The following GALNT17 variants were observed in gnomAD, a reference collection of about 807,000 sequenced individuals.
GALNT17 encodes polypeptide N-acetylgalactosaminyltransferase 17.
GALNT17 carries 29 observed loss-of-function variants against 63.7 expected under a neutral mutation model. That is an observed-to-expected ratio of 0.46 (90% CI 0.34 to 0.62). The LOEUF (loss-of-function observed/expected upper bound fraction) is 0.62. Ranked by LOEUF, GALNT17 falls within the 20% of genes least tolerant of loss-of-function variation. The pLI, the probability that GALNT17 is intolerant of heterozygous loss-of-function variation, is 0.01. For missense variants in GALNT17, 603 were observed against 799.6 expected, an observed-to-expected ratio of 0.75 and a Z score of 2.97; for synonymous variants, 305 against 318.3, an observed-to-expected ratio of 0.96 and a Z score of 0.45.
At chr7:71,539,538 G>T (rs770761396) in intron 5 of GALNT17, among the ~76,000 whole-genome samples, 8 of 151,958 alleles carry the variant, frequency 5.3e-5, no homozygotes, top group Non-Finnish European at 7.4e-5. Flanking sequence ...TATACATGGT[G>T]CCTTCGACAT....
intron 4 of GALNT17, among the ~76,000 whole-genome samples, chr7:71,417,419 G>C (rs1786555324): frequency 6.6e-6 from 1 of 152,150 alleles, no homozygotes; most frequent in African/African-American, 2.4e-5. Flanking sequence ...TCAAACCCTG[G>C]TGACACCCAG....
intron 1 of GALNT17, among the ~76,000 whole-genome samples, chr7:71,146,022 T>A (rs1788016888): frequency 2.0e-5 from 3 of 152,130 alleles, no homozygotes; most frequent in Admixed American, 1.3e-4. Context: ...GGTTTTTTTT[T>A]AAAGGAATAT....
At chr7:71,591,910 G>C (rs1327835939) in intron 6 of GALNT17, among the ~76,000 whole-genome samples, 1 of 152,198 alleles carries the variant, frequency 6.6e-6, no homozygotes, top group African/African-American at 2.4e-5. Context: ...TGATCCGCCT[G>C]CCTCGGCCTC....
chr7:71,155,332 G>A (rs947169370), intron 1 of GALNT17, among the ~76,000 whole-genome samples: 1 of 151,726 alleles, frequency 6.6e-6, no homozygotes, highest in Admixed American at 6.6e-5. Context: ...GGAGTGCAGT[G>A]GCATGATCTC....
intron 1 of GALNT17, among the ~76,000 whole-genome samples, chr7:71,155,200 A>T (rs183287379): frequency 6.6e-6 from 1 of 151,832 alleles, no homozygotes; most frequent in African/African-American, 2.4e-5. Flanking sequence ...TCTGAACCCT[A>T]GCACCACAGT....
chr7:71,560,003 A>G (rs4717603), intron 5 of GALNT17, among the ~76,000 whole-genome samples: 151,430 of 151,458 alleles, frequency 1, 75,701 homozygotes, highest in Non-Finnish European at 1. Flanking sequence ...AGACCAGCCT[A>G]GCCAAGATGG....
intron 3 of GALNT17, among the ~76,000 whole-genome samples, chr7:71,404,389 A>G (rs1196111873): frequency 1.3e-5 from 2 of 152,168 alleles, no homozygotes; most frequent in Non-Finnish European, 2.9e-5. Flanking sequence ...TCACTATGGA[A>G]TCGCCCTCAA....
chr7:71,337,870 A>G (rs1179514423), intron 2 of GALNT17, among the ~76,000 whole-genome samples: 1 of 150,252 alleles, frequency 6.7e-6, no homozygotes, highest in Admixed American at 6.6e-5. Flanking sequence ...TCCATCTCAG[A>G]ACAAACAAAC....
At chr7:71,491,863 A>C (rs1291480109) in intron 5 of GALNT17, among the ~76,000 whole-genome samples, 1 of 152,196 alleles carries the variant, frequency 6.6e-6, no homozygotes, top group African/African-American at 2.4e-5. Context: ...TCCTTCTGGA[A>C]GCGTGAACTT....
At chr7:71,213,491 C>T (rs73365911) in intron 1 of GALNT17, among the ~76,000 whole-genome samples, 2,687 of 152,248 alleles carry the variant, frequency 0.018, 74 homozygotes, top group African/African-American at 0.06. Context: ...TTGCAATTTT[C>T]GGTGTGCCTT....
intron 2 of GALNT17, among the ~76,000 whole-genome samples, chr7:71,364,138 C>A (rs551056979): frequency 6.6e-6 from 1 of 152,204 alleles, no homozygotes; most frequent in South Asian, 2.1e-4. Context: ...TATTTGTAGC[C>A]TTTTATCCCT....
chr7:71,692,159 C>T (rs1435694608), intron 9 of GALNT17, among the ~76,000 whole-genome samples: 3 of 152,036 alleles, frequency 2.0e-5, no homozygotes, highest in East Asian at 1.9e-4. Flanking sequence ...CCTGGCCTCC[C>T]GCAATCTTCC....
At position 71,132,895 on chromosome 7, in the gene GALNT17, C is replaced by G. The variant is rs776960588; in HGVS notation, c.93C>G (p.Ile31Met). The G allele has an allele frequency of 5.0e-6, 8 of 1,612,860 alleles. No individual in the cohort carries two copies. The highest frequency in any genetic ancestry group is 6.8e-6 in the Non-Finnish European group (8 of 1,179,580). ...TCTTCCTGGCCAAGTGCCGGCCCAT[C>G]GCGGTGCGCAGCGGAGACGCCTTCC... ...FVLFLAKCRP[I>M]AVRSGDAFHE... Residue 31 changes from isoleucine to methionine, a missense_variant, in exon 1 of 11, where the codon ATC (isoleucine) becomes ATG (methionine). Physicochemically the swap from Ile to Met is conservative, Grantham distance 10. Coordinates refer to ENST00000333538, the MANE Select transcript of GALNT17 (RefSeq NM_022479.3).
At chr7:71,452,938 G>A (rs933556694) in intron 5 of GALNT17, among the ~76,000 whole-genome samples, 2 of 152,104 alleles carry the variant, frequency 1.3e-5, no homozygotes, top group Non-Finnish European at 2.9e-5. Context: ...AACATGATTG[G>A]TGATTCTACC....
At chr7:71,550,369 T>G (rs1789054935) in intron 5 of GALNT17, among the ~76,000 whole-genome samples, 1 of 150,884 alleles carries the variant, frequency 6.6e-6, no homozygotes, top group East Asian at 2.0e-4. Context: ...TTGTTTTTTG[T>G]TTTTTTGTGT....
intron 1 of GALNT17, among the ~76,000 whole-genome samples, chr7:71,313,886 T>C (rs931663233): frequency 1.3e-5 from 2 of 151,972 alleles, no homozygotes; most frequent in African/African-American, 4.8e-5. Context: ...ATGTGAAGGG[T>C]TGAGTTGCTG....
intron 5 of GALNT17, among the ~76,000 whole-genome samples, chr7:71,564,254 CTTTCTTTTTTTTTCTTTTCT>C (rs1196087642): frequency 1.6e-5 from 2 of 125,438 alleles, no homozygotes; most frequent in African/African-American, 2.8e-5. Flanking sequence ...GGGCAATTTT[CTTTCTTTTTTTTTCTTTTCT>C]TTTCTTTTTT....
intron 3 of GALNT17, among the ~76,000 whole-genome samples, chr7:71,398,456 T>A (rs1793179762): frequency 6.6e-6 from 1 of 152,204 alleles, no homozygotes; most frequent in Non-Finnish European, 1.5e-5. Flanking sequence ...TTATAACATA[T>A]TGTCCTTTTT....
chr7:71,287,137 T>C (rs1349063528), intron 1 of GALNT17, among the ~76,000 whole-genome samples: 2 of 152,160 alleles, frequency 1.3e-5, no homozygotes, highest in East Asian at 3.9e-4. Flanking sequence ...TTGCTCAGGC[T>C]GGAGTGCCGT....
Sources: allele counts gnomAD v4.1 joint callset (sites outside exome capture counted in the v4.1 genomes callset), GRCh38; gene constraint gnomAD v4.1.1; transcripts MANE v1.5; gene names NCBI Gene and HGNC (gene_info 2026-07-23, HGNC 2026-07-21).